TBX15: variants seen among roughly 807,000 people sequenced by gnomAD.
The protein encoded by TBX15 is T-box transcription factor 15, also known as T-box transcription factor TBX15.
Under a neutral mutation model 53.9 loss-of-function variants are expected in TBX15, and 18 were observed. That is an observed-to-expected ratio of 0.33 (90% CI 0.23 to 0.49). TBX15 has a LOEUF of 0.49. Ranked by LOEUF, TBX15 falls within the 20% of genes least tolerant of loss-of-function variation. The probability of loss-of-function intolerance (pLI) is 0.98; values close to 1 mark genes in which losing one functional copy is unlikely to be tolerated. For missense variants in TBX15, 692 were observed against 749.5 expected, an observed-to-expected ratio of 0.92 and a Z score of 0.90; for synonymous variants, 295 against 278.0, an observed-to-expected ratio of 1.06 and a Z score of -0.61.
At position 118,963,407 on chromosome 1, in the gene TBX15, C is replaced by G. The variant is rs74581636; in HGVS notation, c.205+24184G>C. Among the ~76,000 whole-genome samples the G allele has an allele frequency of 3.9e-3, 600 of 152,342 alleles. 2 individuals are homozygous for G. Among genetic ancestry groups the G allele is most frequent in the African/African-American group, 0.014 (569 of 41,576 alleles). The stretch of plus-strand genomic sequence containing the variant: ...TTACCTGGACCACCACAGGCACCTT[C>G]CCTAGTGATAGTACAAAATATTTCT... On this transcript the variant is annotated intron_variant, in intron 1 of 7. Coordinates refer to ENST00000369429, the MANE Select transcript of TBX15 (RefSeq NM_001330677.2).
chr1:118,924,515 A>T, intron 4 of TBX15, 131 bp downstream of exon 4: 2 of 1,062,634 alleles, frequency 1.9e-6, no homozygotes, highest in Non-Finnish European at 2.8e-6. Context: ...TTTTATGCTT[A>T]CTTACTTAAA....
At chr1:118,986,032 A>G (rs1657820917) in intron 1 of TBX15, among the ~76,000 whole-genome samples, 2 of 152,232 alleles carry the variant, frequency 1.3e-5, no homozygotes, top group South Asian at 2.1e-4. Context: ...GGGCCTCCCA[A>G]GAGAAAACTT....
intron 1 of TBX15, among the ~76,000 whole-genome samples, chr1:118,984,166 C>T (rs1473750053): frequency 6.6e-6 from 1 of 152,014 alleles, no homozygotes; most frequent in African/African-American, 2.4e-5. Context: ...CTGACGGGTG[C>T]GTGCGAGAAT....
intron 1 of TBX15, among the ~76,000 whole-genome samples, chr1:118,967,291 G>T (rs980535116): frequency 6.6e-5 from 10 of 152,048 alleles, no homozygotes; most frequent in African/African-American, 2.4e-4. Context: ...GCTTTGTATT[G>T]TTTTCACTTA....
chr1:118,915,566 A>G (rs1394039632), intron 5 of TBX15, among the ~76,000 whole-genome samples: 1 of 152,220 alleles, frequency 6.6e-6, no homozygotes, highest in Non-Finnish European at 1.5e-5. Flanking sequence ...CCATAGCAGG[A>G]GTCTAAAGGT....
At chr1:118,968,315 A>G (rs1173841660) in intron 1 of TBX15, among the ~76,000 whole-genome samples, 3 of 152,116 alleles carry the variant, frequency 2.0e-5, no homozygotes, top group Admixed American at 6.6e-5. Context: ...CCCAGGTTCA[A>G]GTGAGTCTCC....
In TBX15 at chr1:118,979,847, G is replaced by A. The variant is rs550050803; in HGVS notation, c.205+7744C>T. Among the ~76,000 whole-genome samples, 236 of 152,256 alleles carry A rather than the reference G, an allele frequency of 1.6e-3. 2 individuals carry two copies. The highest frequency in any genetic ancestry group is 5.6e-3 in the African/African-American group (232 of 41,566). ...GCGGCGCGATGCGGCGAGGCGAGGC[G>A]AGGCGGTGGGGCCAGCGCGGAGCCC... On this transcript the variant is annotated intron_variant, in intron 1 of 7. Transcript: ENST00000369429.
At chr1:118,908,388 A>C (rs1033188850) in intron 6 of TBX15, among the ~76,000 whole-genome samples, 1 of 151,942 alleles carries the variant, frequency 6.6e-6, no homozygotes, top group African/African-American at 2.4e-5. Context: ...AAAAAAAAAA[A>C]AAAAAAATCT....
At chr1:118,914,237 A>C in intron 5 of TBX15, 58 bp from the exon 6 acceptor site, 1 of 1,479,110 alleles carries the variant, frequency 6.8e-7, no homozygotes, top group Non-Finnish European at 9.4e-7. Flanking sequence ...CTTTCTTAGT[A>C]CTCCTAGAAA....
intron 7 of TBX15, among the ~76,000 whole-genome samples, chr1:118,894,634 A>G (rs1032991037): frequency 6.6e-6 from 1 of 151,734 alleles, no homozygotes; most frequent in African/African-American, 2.4e-5. Flanking sequence ...AGATGTGGAC[A>G]GATTTAAGAA....
At chr1:118,976,962 A>G (rs1290374495) in intron 1 of TBX15, among the ~76,000 whole-genome samples, 5 of 152,216 alleles carry the variant, frequency 3.3e-5, no homozygotes, top group Non-Finnish European at 5.9e-5. Context: ...AATTCAATTG[A>G]CAGGAATAAT....
At chr1:118,940,608 GATA>G (rs1379061027) in intron 1 of TBX15, among the ~76,000 whole-genome samples, 2 of 151,612 alleles carry the variant, frequency 1.3e-5, no homozygotes, top group Non-Finnish European at 2.9e-5. Flanking sequence ...GTCCTAAGTG[GATA>G]TCTATGTTTG....
At position 118,939,423 on chromosome 1, in the gene TBX15, A is replaced by AAAAAG. The variant is rs1557892405; in HGVS notation, c.206-7592_206-7591insCTTTT. Among the ~76,000 whole-genome samples the AAAAAG allele has an allele frequency of 2.0e-3, 241 of 118,808 alleles. 4 individuals are homozygous for AAAAAG. The highest frequency in any genetic ancestry group is 7.9e-3 in the African/African-American group (230 of 29,052). The allele number at this position is 118,808 out of a possible 152,430, so 77.9% of individuals were successfully genotyped here. A position where few individuals can be genotyped will look rare whatever the true frequency, so the allele number is the denominator to read the frequency against. On this transcript the variant is annotated intron_variant, in intron 1 of 7. Transcript: ENST00000369429. ...ATCTAGTCTCAAAAAAAAAAAAAAAAAAAAAAAAAAAAACAAAAACAGGAA... is the reference window on the plus strand; with the variant it reads ...ATCTAGTCTCAAAAAAAAAAAAAAAAAAAAGAAAAAAAAAAAAACAAAAACAGGAA...
intron 6 of TBX15, among the ~76,000 whole-genome samples, chr1:118,906,528 C>T (rs190216988): frequency 2.3e-4 from 35 of 152,206 alleles, no homozygotes; most frequent in African/African-American, 6.0e-4. Context: ...CAACAGGGGA[C>T]GCCTATTTGT....
rs1054702815 is a variant in TBX15, at chr1:118,927,704, C to A, written c.420-1093G>T. Among the ~76,000 whole-genome samples, 9 of 152,286 alleles carry A rather than the reference C, an allele frequency of 5.9e-5. No homozygotes were observed. In the South Asian group the frequency reaches 1.9e-3, roughly 32 times the overall value. On this transcript the variant is annotated intron_variant, in intron 2 of 7. Coordinates refer to ENST00000369429, the MANE Select transcript of TBX15 (RefSeq NM_001330677.2). ...GTCAGGATATAGCACTTTACGACTT[C>A]TCTCATAATTGAAGAGAGGAGGAGA... is the stretch of plus-strand genomic sequence containing the variant.
intron 6 of TBX15, among the ~76,000 whole-genome samples, chr1:118,911,534 C>A (rs1315558018): frequency 6.6e-6 from 1 of 152,196 alleles, no homozygotes; most frequent in Non-Finnish European, 1.5e-5. Flanking sequence ...AGCACTTGAA[C>A]TGAGATGTCA....
Position 118,970,438 on chromosome 1 carries a change from T to C in TBX15, c.205+17153A>G, listed in dbSNP as rs1356420387. On this transcript the variant is annotated intron_variant, in intron 1 of 7. Coordinates refer to ENST00000369429, the MANE Select transcript of TBX15 (RefSeq NM_001330677.2). ...AGGAGACCTTTATCTTCTAAACCAA[T>C]GGATTGTTAACAAGATCTGGGTTAA... 2.0e-5 allele frequency among the ~76,000 whole-genome samples: 3 copies of C among 152,068 alleles called. No homozygotes were observed. In the East Asian group the frequency reaches 5.8e-4, roughly 29 times the overall value.
At chr1:118,941,650 G>A (rs751232304) in intron 1 of TBX15, among the ~76,000 whole-genome samples, 2 of 152,126 alleles carry the variant, frequency 1.3e-5, no homozygotes, top group Non-Finnish European at 2.9e-5. Flanking sequence ...TTTCTAGGCT[G>A]GGCCTGGCAA....
rs111564729 is a variant in TBX15 at position 118,922,581 on chromosome 1, C to A, written c.861+855G>T. On this transcript the variant is annotated intron_variant, in intron 5 of 7. Transcript: ENST00000369429. The stretch of plus-strand genomic sequence containing the variant: ...CAATGTCAGTGAAAAGATCAGAAAT[C>A]AAACCAAGTTTATCTGCTGCCAAAT... Among the ~76,000 whole-genome samples the A allele has an allele frequency of 1.7e-3, 260 of 152,232 alleles. 1 individual carries two copies. The highest frequency in any genetic ancestry group is 5.8e-3 in the African/African-American group (241 of 41,552).
Sources: gnomAD v4.1 joint callset for allele counts (sites outside exome capture counted in the v4.1 genomes callset) on GRCh38, gnomAD v4.1.1 for gene constraint, MANE v1.5 for transcripts, NCBI Gene and HGNC (gene_info 2026-07-23, HGNC 2026-07-21) for gene names.